Variants in ADCY7 observed in about 807,000 individuals in gnomAD.
ADCY7 encodes the protein adenylate cyclase type 7.
A neutral mutation model predicts 120.6 loss-of-function variants in ADCY7; 72 were observed. The observed-to-expected ratio is 0.60, with a 90% CI of 0.49 to 0.73. The LOEUF is 0.73. ADCY7 is among the 30% of genes least tolerant of loss of function. The pLI is 0.00. For synonymous variants in ADCY7, 661 were observed against 628.0 expected (o/e 1.05, Z -0.78); for missense variants, 1,227 against 1,486.0 (o/e 0.83, Z 2.87).
At chr16:50,288,459 C>T in intron 2 of ADCY7, 109 bp downstream of exon 2, 1 of 1,219,638 alleles carries the variant, frequency 8.2e-7, no homozygotes, top group Non-Finnish European at 1.1e-6. Flanking sequence ...AAATGCTATG[C>T]TTTTTTGTTT....
chr16:50,314,259 A>G (rs1597000778), intron 23 of ADCY7, 33 bp from the exon 24 acceptor site: 2 of 1,598,680 alleles, frequency 1.3e-6, no homozygotes, highest in African/African-American at 1.3e-5. Flanking sequence ...GGCTCTGGAG[A>G]TGCAAGGATC....
chr16:50,308,483 G>T, intron 16 of ADCY7, 72 bp downstream of exon 16: 1 of 1,602,080 alleles, frequency 6.2e-7, no homozygotes, highest in South Asian at 1.1e-5. Flanking sequence ...GCCCTCCCTG[G>T]TGAGCTTGGC....
At chr16:50,303,333 C>G (rs557056499) in intron 10 of ADCY7, among the ~76,000 whole-genome samples, 81 of 152,314 alleles carry the variant, frequency 5.3e-4, no homozygotes, top group African/African-American at 1.8e-3. Flanking sequence ...GTTTCTATCC[C>G]AAAAGGAGGT....
intron 18 of ADCY7, among the ~76,000 whole-genome samples, chr16:50,310,287 C>CG (rs1237409763): frequency 1.3e-5 from 2 of 151,998 alleles, no homozygotes; most frequent in East Asian, 3.9e-4. Context: ...GCAGGAATGC[C>CG]GGGGTGTGAA....
At chr16:50,276,463 A>G (rs1206935422) in intron 1 of ADCY7, among the ~76,000 whole-genome samples, 1 of 152,230 alleles carries the variant, frequency 6.6e-6, no homozygotes, top group Non-Finnish European at 1.5e-5. Flanking sequence ...GGCTCAGTAC[A>G]CTGCTTGCAT....
chr16:50,264,234 T>C (rs2033130342), upstream of ADCY7, among the ~76,000 whole-genome samples: 1 of 152,230 alleles, frequency 6.6e-6, no homozygotes, highest in South Asian at 2.1e-4. Context: ...TGAATGTGTC[T>C]TTTGTGGGTG....
At chr16:50,245,919 C>T (rs1288278465), upstream of ADCY7, among the ~76,000 whole-genome samples, 1 of 143,862 alleles carries the variant, frequency 7.0e-6, no homozygotes, top group Non-Finnish European at 1.5e-5. Flanking sequence ...CCGCTCCCTC[C>T]CGCGGCAGCG....
intron 1 of ADCY7, among the ~76,000 whole-genome samples, chr16:50,286,221 C>CA (rs1247820775): frequency 6.6e-6 from 1 of 151,136 alleles, no homozygotes; most frequent in South Asian, 2.1e-4. Context: ...GGCAAAACCC[C>CA]ATCTCTACAA....
intron 21 of ADCY7, 134 bp downstream of exon 21, chr16:50,312,325 C>G (rs539715536): frequency 4.1e-6 from 4 of 985,574 alleles, no homozygotes; most frequent in Non-Finnish European, 6.0e-6. Context: ...GATGCCCAGG[C>G]GACAATGTAT....
intron 1 of ADCY7, chr16:50,246,223 GA>G (rs1218763788): frequency 6.7e-6 from 1 of 149,582 alleles, no homozygotes; most frequent in Non-Finnish European, 1.5e-5. Flanking sequence ...GGGCGCGGGG[GA>G]GCGCGGCGGG....
At position 50,293,426 on chromosome 16, in the gene ADCY7, A is replaced by G. The variant is rs750872237; in HGVS notation, c.760A>G (p.Lys254Glu). ...GMKLAIIERLKEHGDRRCMPD... is the reference protein window; with the variant it reads ...GMKLAIIERLEEHGDRRCMPD... ...GAAGCTGGCCATCATCGAACGGCTC[A>G]AGGAGCATGGTGACCGTCGCTGCAT... The change falls in exon 6 of 26, where the codon AAG becomes GAG. Residue 254 changes from lysine (K) to glutamate (E), a missense_variant. Physicochemically the swap from Lys to Glu is moderately conservative, Grantham distance 56. This residue lies in a region of ADCY7 where 382 missense variants were observed against 411.4 expected (regional missense o/e 0.93). Coordinates refer to ENST00000673801, the MANE Select transcript of ADCY7 (RefSeq NM_001114.5). The G allele has an allele frequency of 6.2e-7, 1 of 1,614,034 alleles. No individual in the cohort carries two copies. The highest frequency in any genetic ancestry group is 1.7e-5 in the Admixed American group (1 of 60,016).
At chr16:50,309,495 G>C in intron 17 of ADCY7, 53 bp from the exon 18 acceptor site, 1 of 1,499,344 alleles carries the variant, frequency 6.7e-7, no homozygotes. Context: ...CATGGCTTGG[G>C]CAGGTTCCAG....
intron 1 of ADCY7, among the ~76,000 whole-genome samples, chr16:50,284,264 G>A (rs1389466575): frequency 2.0e-5 from 3 of 152,212 alleles, no homozygotes; most frequent in African/African-American, 7.2e-5. Flanking sequence ...GCTGGCCAAG[G>A]TCCCTGGATG....
chr16:50,269,388 C>T (rs558732300), intron 1 of ADCY7, among the ~76,000 whole-genome samples: 2 of 152,274 alleles, frequency 1.3e-5, no homozygotes, highest in Admixed American at 6.5e-5. Flanking sequence ...CTGAGGGATT[C>T]GTGGGGGTGG....
chr16:50,289,285 C>G (rs1394584009), intron 2 of ADCY7: 1 of 430,460 alleles, frequency 2.3e-6, no homozygotes, highest in African/African-American at 2.1e-5. Flanking sequence ...ATCCTCCTGC[C>G]TTGGCCTCCC....
At chr16:50,276,087 G>A (rs909703045) in intron 1 of ADCY7, among the ~76,000 whole-genome samples, 3 of 152,232 alleles carry the variant, frequency 2.0e-5, no homozygotes, top group Non-Finnish European at 4.4e-5. Context: ...GACTCTGCCT[G>A]GGATGTCACC....
At position 50,308,801 on chromosome 16, in the gene ADCY7, C is replaced by T. The variant is rs79441714; in HGVS notation, c.2061+9C>T. The T allele has an allele frequency of 0.013, 20,634 of 1,601,652 alleles. 159 individuals carry two copies. Among genetic ancestry groups the T allele is most frequent in the Non-Finnish European group, 0.016 (18,979 of 1,174,584 alleles). ...TGGCCATCATCAACCTGGTGGGTCC[C>T]GTGGTGGGGAGGCAGGCCTCCGGGG... On this transcript the variant is annotated intron_variant, in intron 17 of 25. Coordinates refer to ENST00000673801, the MANE Select transcript of ADCY7 (RefSeq NM_001114.5).
chr16:50,316,258 TG>T lies in ADCY7; in HGVS notation c.*757del, dbSNP rs2036794446. ...ATCAGCTTATGGGGTCAGCTGGCTG[TG>T]GGGATAGAGTCCTGAGGAATGTGGT... is the stretch of plus-strand genomic sequence containing the variant. On this transcript the variant is annotated 3_prime_UTR_variant, in exon 26 of 26. Transcript: ENST00000673801. 6.6e-6 allele frequency: 1 copy of T among 152,384 alleles called. No homozygotes were observed. The highest frequency in any genetic ancestry group is 1.5e-5 in the Non-Finnish European group (1 of 68,072). 9.4% of individuals were successfully genotyped at this position (152,384 alleles called of 1,614,324 possible). A position where few individuals can be genotyped will look rare whatever the true frequency, so the allele number is the denominator to read the frequency against.
chr16:50,313,590 C>T (rs1284135528), intron 22 of ADCY7: 2 of 240,742 alleles, frequency 8.3e-6, no homozygotes, highest in Admixed American at 1.0e-4. Context: ...GGCCCCTTAG[C>T]TTCATTTCCA....
Sources: gnomAD v4.1 joint callset for allele counts (sites outside exome capture counted in the v4.1 genomes callset) on GRCh38, gnomAD v4.1.1 for gene constraint, gnomAD v4.1.1 regional missense constraint, MANE v1.5 for transcripts, NCBI Gene and HGNC (gene_info 2026-07-23, HGNC 2026-07-21) for gene names.